The following CDH23 variants were observed in gnomAD, a reference collection of about 807,000 sequenced individuals.
CDH23 encodes cadherin related 23, also known as cadherin-23.
A neutral mutation model predicts 317.1 loss-of-function variants in CDH23; 189 were observed. The ratio of observed to expected loss-of-function variants is 0.60; its 90% CI spans 0.53 to 0.67. CDH23 has a LOEUF of 0.67. Among genes scored for constraint, CDH23 ranks in the 30% least tolerant of loss-of-function variants. The probability of loss-of-function intolerance (pLI) is 0.00; values close to 1 mark genes in which losing one functional copy is unlikely to be tolerated. For missense variants in CDH23, 4,401 were observed against 4,592.4 expected (o/e 0.96, Z 1.20); for synonymous variants, 1,839 against 1,876.8 (o/e 0.98, Z 0.52).
chr10:71,710,935 C>T (rs1318809094), intron 27 of CDH23, among the ~76,000 whole-genome samples: 1 of 152,196 alleles, frequency 6.6e-6, no homozygotes, highest in Non-Finnish European at 1.5e-5. Flanking sequence ...GCAGGGAGCC[C>T]TTGAGGGCCC....
intron 1 of CDH23, among the ~76,000 whole-genome samples, chr10:71,417,690 A>T (rs1199031817): frequency 6.6e-6 from 1 of 152,146 alleles, no homozygotes; most frequent in African/African-American, 2.4e-5. Context: ...GCTCACTGCT[A>T]TTTCCACCTC....
At position 71,811,352 on chromosome 10, in the gene CDH23, C is replaced by A; in HGVS notation, c.9115C>A (p.Arg3039=). The change falls in exon 63 of 70, where the codon CGG becomes AGG. Residue 3039 remains arginine, a synonymous_variant. Coordinates refer to ENST00000224721, the MANE Select transcript of CDH23 (RefSeq NM_022124.6). ...QMIDENKEQL[R]NLFRNYNVLD... Reference sequence around the variant, plus strand: ...GATCGATGAGAACAAGGAGCAGCTACGGAATCTTTTCCGGAACTACAACGT... The same window carrying A: ...GATCGATGAGAACAAGGAGCAGCTAAGGAATCTTTTCCGGAACTACAACGT... The A allele has an allele frequency of 6.2e-7, 1 of 1,613,908 alleles. No individual in the cohort carries two copies. The highest frequency in any genetic ancestry group is 8.5e-7 in the Non-Finnish European group (1 of 1,179,872).
chr10:71,481,914 G>A (rs899783694), intron 3 of CDH23, among the ~76,000 whole-genome samples: 2 of 152,178 alleles, frequency 1.3e-5, no homozygotes, highest in African/African-American at 2.4e-5. Context: ...GGCTTGTGTG[G>A]CATCTGCTTT....
intron 3 of CDH23, among the ~76,000 whole-genome samples, chr10:71,465,809 C>T (rs558134613): frequency 2.0e-5 from 3 of 152,208 alleles, no homozygotes; most frequent in Admixed American, 6.5e-5. Context: ...AAAGCCATTA[C>T]CCTCTTACTT....
intron 22 of CDH23, among the ~76,000 whole-genome samples, chr10:71,696,108 G>A (rs1865380341): frequency 6.6e-6 from 1 of 152,194 alleles, no homozygotes; most frequent in African/African-American, 2.4e-5. Flanking sequence ...GGGGAGACAC[G>A]GTCAAAGCCA....
intron 57 of CDH23, 59 bp downstream of exon 57, chr10:71,806,340 G>GCA (rs1386224336): frequency 8.6e-7 from 1 of 1,167,176 alleles, no homozygotes; most frequent in East Asian, 2.6e-5. Flanking sequence ...CTGCCTGCAA[G>GCA]CACACACTCT....
intron 1 of CDH23, among the ~76,000 whole-genome samples, chr10:71,427,402 T>A (rs1441626818): frequency 6.6e-6 from 1 of 152,126 alleles, no homozygotes; most frequent in Non-Finnish European, 1.5e-5. Context: ...AACAAACTCA[T>A]AATATGTGGT....
Position 71,694,155 on chromosome 10 carries a change from A to G in CDH23, c.2185A>G (p.Thr729Ala). 1 of 1,613,360 alleles carries G rather than the reference A, an allele frequency of 6.2e-7. No homozygotes were observed. Among genetic ancestry groups the G allele is most frequent in the Non-Finnish European group, 8.5e-7 (1 of 1,179,718 alleles). Reference sequence around the variant, plus strand: ...ACTTCTCTCTCTGGCAGGGGAAATCACCACCACGTCTCTGCTTGACCGAGA... The same window carrying G: ...ACTTCTCTCTCTGGCAGGGGAAATCGCCACCACGTCTCTGCTTGACCGAGA... ...FRINARSGEI[T>A]TTSLLDRETK... The change falls in exon 21 of 70, where the codon ACC (threonine) becomes GCC (alanine). Residue 729 changes from threonine to alanine, a missense_variant. Physicochemically the swap from Thr to Ala is moderately conservative, Grantham distance 58. Transcript: ENST00000224721.
chr10:71,493,113 G>A (rs2090471072), intron 3 of CDH23, among the ~76,000 whole-genome samples: 1 of 152,196 alleles, frequency 6.6e-6, no homozygotes, highest in African/African-American at 2.4e-5. Flanking sequence ...CATTGCGTGG[G>A]GGAGTGGTGG....
rs562525508 is a variant in CDH23 at position 71,815,249 on chromosome 10, G to C, written c.10036G>C (p.Glu3346Gln). Reference protein sequence around the residue: ...PLHKLRDVIMETPLEITEL With the variant: ...PLHKLRDVIMQTPLEITEL ...GCACAAACTTCGCGACGTGATCATG[G>C]AGACCCCCCTGGAGATCACAGAGCT... Residue 3346 changes from glutamate (E) to glutamine (Q), a missense_variant, in exon 70 of 70, where the codon GAG becomes CAG. Glu to Gln is a conservative substitution (Grantham distance 29). Coordinates refer to ENST00000224721, the MANE Select transcript of CDH23 (RefSeq NM_022124.6). The C allele has an allele frequency of 2.2e-4, 345 of 1,586,334 alleles. 3 individuals carry two copies. The South Asian group carries it at 3.7e-3, about 17-fold the overall frequency.
Position 71,617,273 on chromosome 10 carries a change from T to C in CDH23, c.1014T>C (p.Val338=), listed in dbSNP as rs1759746683. 6.2e-7 allele frequency: 1 copy of C among 1,613,910 alleles called. No individual in the cohort carries two copies. The highest frequency in any genetic ancestry group is 8.5e-7 in the Non-Finnish European group (1 of 1,179,906). Residue 338 remains valine, a synonymous_variant, in exon 11 of 70, where the codon GTT becomes GTC. Coordinates refer to ENST00000224721, the MANE Select transcript of CDH23 (RefSeq NM_022124.6). ...TCACCACGACCTTCAATATCCTGGTTATTGACATCAATGACAATGCCCCGG... is the reference window on the plus strand; with the variant it reads ...TCACCACGACCTTCAATATCCTGGTCATTGACATCAATGACAATGCCCCGG... ...ATVTTTFNIL[V]IDINDNAPEF...
chr10:71,787,764 A>G (rs1246965272), intron 44 of CDH23, among the ~76,000 whole-genome samples: 1 of 152,210 alleles, frequency 6.6e-6, no homozygotes, highest in Non-Finnish European at 1.5e-5. Context: ...TCTATATACC[A>G]CATTTTCTTT....
intron 14 of CDH23, among the ~76,000 whole-genome samples, chr10:71,670,000 C>CA (rs11297300): frequency 7.3e-5 from 11 of 151,474 alleles, no homozygotes; most frequent in African/African-American, 2.7e-4. Flanking sequence ...GACTCCGTCT[C>CA]AAAAAAAAAA....
At chr10:71,621,571 T>C (rs530598848) in intron 11 of CDH23, among the ~76,000 whole-genome samples, 1 of 152,346 alleles carries the variant, frequency 6.6e-6, no homozygotes, top group Admixed American at 6.5e-5. Flanking sequence ...CAGGGCTTTT[T>C]CCAAACCAGG....
At chr10:71,533,419 A>G (rs1038631369) in intron 6 of CDH23, among the ~76,000 whole-genome samples, 2 of 152,122 alleles carry the variant, frequency 1.3e-5, no homozygotes, top group Non-Finnish European at 2.9e-5. Context: ...CTTCTCGGAT[A>G]TGGAAGACAC....
intron 1 of CDH23, among the ~76,000 whole-genome samples, chr10:71,439,077 A>C (rs904258601): frequency 1.3e-5 from 2 of 151,954 alleles, no homozygotes; most frequent in Non-Finnish European, 2.9e-5. Flanking sequence ...CCTCCCAGCC[A>C]CCCTTAGAAA....
At chr10:71,406,814 C>T (rs1016117858) in intron 1 of CDH23, among the ~76,000 whole-genome samples, 5 of 152,162 alleles carry the variant, frequency 3.3e-5, no homozygotes, top group African/African-American at 9.7e-5. Flanking sequence ...ATCAGTGGCC[C>T]CTACCCTTGT....
chr10:71,430,530 C>T (rs10999807), intron 1 of CDH23, among the ~76,000 whole-genome samples: 46,815 of 152,108 alleles, frequency 0.31, 7,413 homozygotes, highest in Middle Eastern at 0.46. Flanking sequence ...CAGCCTAGGC[C>T]GGGCACAGTG....
chr10:71,741,767 C>T lies in CDH23; in HGVS notation c.4691C>T (p.Ser1564Phe), dbSNP rs778724450. ...GACATCGGGATCAACAGTGTTCTGTCCTACTACATCACCGAGGGCAACAAG... is the reference window on the plus strand; with the variant it reads ...GACATCGGGATCAACAGTGTTCTGTTCTACTACATCACCGAGGGCAACAAG... ...DRDIGINSVL[S>F]YYITEGNKDM... The change falls in exon 38 of 70, where the codon TCC (serine) becomes TTC (phenylalanine). Residue 1564 changes from serine to phenylalanine, a missense_variant. Physicochemically the swap from Ser to Phe is radical, Grantham distance 155 (BLOSUM62 -2). Transcript: ENST00000224721. 2 of 1,612,686 alleles carry T rather than the reference C, an allele frequency of 1.2e-6. No individual in the cohort carries two copies. Among genetic ancestry groups the T allele is most frequent in the Admixed American group, 3.3e-5 (2 of 59,828 alleles).
Sources: gnomAD v4.1 joint callset for allele counts (sites outside exome capture counted in the v4.1 genomes callset) on GRCh38, gnomAD v4.1.1 for gene constraint, MANE v1.5 for transcripts, NCBI Gene and HGNC (gene_info 2026-07-23, HGNC 2026-07-21) for gene names.